Variants in HNF4A observed in about 807,000 individuals in gnomAD.
HNF4A encodes hepatocyte nuclear factor 4 alpha, also known as hepatocyte nuclear factor 4-alpha.
Under a neutral mutation model 52.4 loss-of-function variants are expected in HNF4A, and 15 were observed. The ratio of observed to expected loss-of-function variants is 0.29; its 90% CI spans 0.19 to 0.44. The LOEUF (loss-of-function observed/expected upper bound fraction) is 0.44, where lower values mean the gene tolerates loss of function less well. Ranked by LOEUF, HNF4A falls within the 20% of genes least tolerant of loss-of-function variation. The pLI is 1.00. For synonymous variants in HNF4A, 280 were observed against 264.4 expected, an observed-to-expected ratio of 1.06 and a Z score of -0.57; for missense variants, 479 against 647.2, an observed-to-expected ratio of 0.74 and a Z score of 2.82.
At chr20:44,421,839 A>G (rs2063750477) in intron 7 of HNF4A, among the ~76,000 whole-genome samples, 2 of 147,216 alleles carry the variant, frequency 1.4e-5, no homozygotes, top group Admixed American at 6.8e-5. Flanking sequence ...ATAGTGATAT[A>G]TTACGTATAA....
chr20:44,424,285 G>A, intron 8 of HNF4A, 31 bp downstream of exon 8: 1 of 1,611,456 alleles, frequency 6.2e-7, no homozygotes. Flanking sequence ...GGGCGGGGTT[G>A]GAGTGGGGAC....
In HNF4A at chr20:44,419,809, C is replaced by T; in HGVS notation, c.825C>T (p.Pro275=). The change falls in exon 7 of 10, where the codon CCC becomes CCT. Residue 275 remains proline, a synonymous_variant. Coordinates refer to ENST00000316099, the MANE Select transcript of HNF4A (RefSeq NM_000457.6). ...GCATCCTTGACGAGCTGGTGCTGCC[C>T]TTCCAGGAGCTGCAGATCGATGACA... 1.2e-6 allele frequency: 2 copies of T among 1,614,182 alleles called. No individual in the cohort carries two copies. The highest frequency in any genetic ancestry group is 1.7e-6 in the Non-Finnish European group (2 of 1,180,022).
intron 1 of HNF4A, among the ~76,000 whole-genome samples, chr20:44,373,448 ACAGGTGTTAGCCACCACACC>A (rs2063053873): frequency 6.6e-6 from 1 of 152,206 alleles, no homozygotes; most frequent in Non-Finnish European, 1.5e-5. Flanking sequence ...CACTGGGATT[ACAGGTGTTAGCCACCACACC>A]CAGCCTAGTT....
intron 3 of HNF4A, 32 bp downstream of exon 3, chr20:44,407,507 CT>C: frequency 7.2e-7 from 1 of 1,382,984 alleles, no homozygotes; most frequent in East Asian, 2.4e-5. Flanking sequence ...CCCACCACCA[CT>C]GCCCCACCTG....
intron 7 of HNF4A, among the ~76,000 whole-genome samples, chr20:44,422,815 A>T (rs2063764946): frequency 6.6e-6 from 1 of 151,214 alleles, no homozygotes; most frequent in Non-Finnish European, 1.5e-5. Flanking sequence ...AGTCGCTGGG[A>T]TTACAGGCAT....
At chr20:44,385,882 C>T (rs1395643367) in intron 1 of HNF4A, among the ~76,000 whole-genome samples, 1 of 146,088 alleles carries the variant, frequency 6.8e-6, no homozygotes, top group East Asian at 2.1e-4. Context: ...TTTTTTAAGG[C>T]AGGGTCTCGC....
chr20:44,427,194 C>T (rs958056716), intron 8 of HNF4A, among the ~76,000 whole-genome samples: 4 of 152,206 alleles, frequency 2.6e-5, no homozygotes, highest in African/African-American at 7.2e-5. Flanking sequence ...AAAATCATCC[C>T]CAGTTGGGAA....
chr20:44,425,141 C>A (rs753903476), intron 8 of HNF4A, among the ~76,000 whole-genome samples: 7 of 152,190 alleles, frequency 4.6e-5, no homozygotes, highest in Non-Finnish European at 8.8e-5. Flanking sequence ...GCCACCACGC[C>A]CTGCTCATTT....
At chr20:44,404,704 CGT>C (rs779316096) in intron 1 of HNF4A, among the ~76,000 whole-genome samples, 2 of 103,272 alleles carry the variant, frequency 1.9e-5, no homozygotes, top group Non-Finnish European at 4.1e-5. Context: ...GTGTGTGGAG[CGT>C]GTGTGTGCTT....
At chr20:44,405,112 T>TG (rs1268880781) in intron 1 of HNF4A, among the ~76,000 whole-genome samples, 137 of 69,830 alleles carry the variant, frequency 2.0e-3, no homozygotes, top group African/African-American at 6.8e-3. Flanking sequence ...GCGTAGCGTG[T>TG]GTGCGTGTGT....
intron 8 of HNF4A, among the ~76,000 whole-genome samples, chr20:44,424,858 C>T (rs959884210): frequency 4.6e-5 from 7 of 152,116 alleles, no homozygotes; most frequent in African/African-American, 7.2e-5. Context: ...AGATGGAGGA[C>T]GTGTAGGAGG....
At chr20:44,396,053 G>A (rs2146322521) in intron 1 of HNF4A, among the ~76,000 whole-genome samples, 1 of 152,276 alleles carries the variant, frequency 6.6e-6, no homozygotes, top group South Asian at 2.1e-4. Context: ...CAGCTCCAGT[G>A]CCTTAGAATT....
chr20:44,413,598 C>A, intron 3 of HNF4A, 96 bp from the exon 4 acceptor site: 1 of 838,196 alleles, frequency 1.2e-6, no homozygotes, highest in Non-Finnish European at 2.0e-6. Context: ...TCTGGACACC[C>A]CCCACCTCCT....
chr20:44,426,237 G>C (rs902081296), intron 8 of HNF4A, among the ~76,000 whole-genome samples: 1 of 152,256 alleles, frequency 6.6e-6, no homozygotes, highest in East Asian at 1.9e-4. Context: ...GGGAAGAAAG[G>C]AGAGGTGAAG....
At chr20:44,375,479 C>T (rs1024346307) in intron 1 of HNF4A, among the ~76,000 whole-genome samples, 4 of 151,320 alleles carry the variant, frequency 2.6e-5, no homozygotes, top group Admixed American at 6.6e-5. Context: ...AAATTTTTTG[C>T]CAGGGAAATG....
chr20:44,383,567 TA>T (rs200613579), intron 1 of HNF4A, among the ~76,000 whole-genome samples: 2,389 of 147,604 alleles, frequency 0.016, 72 homozygotes, highest in African/African-American at 0.054. Flanking sequence ...TTTTTTTTTT[TA>T]AATACGGAGT....
intron 1 of HNF4A, among the ~76,000 whole-genome samples, chr20:44,363,400 A>G (rs1471380039): frequency 6.6e-6 from 1 of 152,180 alleles, no homozygotes; most frequent in Non-Finnish European, 1.5e-5. Context: ...TTGTAGAAAC[A>G]ACAGAGATGA....
Position 44,407,489 on chromosome 20 carries a change from C to A in HNF4A, c.385+14C>A, listed in dbSNP as rs879328773. The A allele has an allele frequency of 1.3e-6, 2 of 1,550,822 alleles. No homozygotes were observed. Among genetic ancestry groups the A allele is most frequent in the Non-Finnish European group, 1.8e-6 (2 of 1,138,176 alleles). On this transcript the variant is annotated intron_variant, in intron 3 of 9. Transcript: ENST00000316099. ...TGAAGAAGGAAGGTGAGCCTCGGCCCTCCCCGCCCCACCACCACTGCCCCA... is the reference window on the plus strand; with the variant it reads ...TGAAGAAGGAAGGTGAGCCTCGGCCATCCCCGCCCCACCACCACTGCCCCA...
rs773386088 is a variant in HNF4A, at chr20:44,419,955, C to T, written c.892+79C>T. Reference sequence around the variant, plus strand: ...CAGACTTCTCCTATTGGGTTCTGTACACTGAGTTCACAGCCTCATCTCATG... The same window carrying T: ...CAGACTTCTCCTATTGGGTTCTGTATACTGAGTTCACAGCCTCATCTCATG... On this transcript the variant is annotated intron_variant, in intron 7 of 9. Transcript: ENST00000316099. 130 of 1,378,514 alleles carry T rather than the reference C, an allele frequency of 9.4e-5. No homozygotes were observed. Among genetic ancestry groups the T allele is most frequent in the Middle Eastern group, 1.8e-4 (1 of 5,594 alleles). The allele number at this position is 1,378,514 out of a possible 1,614,324, so 85.4% of individuals were successfully genotyped here. A position where few individuals can be genotyped will look rare whatever the true frequency, so the allele number is the denominator to read the frequency against.
Sources: allele counts gnomAD v4.1 joint callset (sites outside exome capture counted in the v4.1 genomes callset), GRCh38; gene constraint gnomAD v4.1.1; transcripts MANE v1.5; gene names NCBI Gene and HGNC (gene_info 2026-07-23, HGNC 2026-07-21).